Variants in UBE2E2 observed in about 807,000 individuals in gnomAD.
The protein encoded by UBE2E2 is ubiquitin conjugating enzyme E2 E2.
UBE2E2 carries 6 observed loss-of-function variants against 24.7 expected under a neutral mutation model. That is an observed-to-expected ratio of 0.24 (90% confidence interval 0.13 to 0.48). UBE2E2 has a LOEUF of 0.48. UBE2E2 is among the 20% of genes least tolerant of loss of function. The pLI is 0.99. For missense variants in UBE2E2, 169 were observed against 245.0 expected (o/e 0.69, Z 2.07); for synonymous variants, 104 against 83.6 (o/e 1.24, Z -1.33).
chr3:23,222,045 C>T (rs946790889), intron 3 of UBE2E2, among the ~76,000 whole-genome samples: 1 of 150,874 alleles, frequency 6.6e-6, no homozygotes, highest in Non-Finnish European at 1.5e-5. Context: ...CCAGTCTACT[C>T]TCTATTTTTG....
chr3:23,249,805 G>A (rs544586391), intron 3 of UBE2E2, among the ~76,000 whole-genome samples: 8 of 152,022 alleles, frequency 5.3e-5, no homozygotes, highest in South Asian at 4.2e-4. Context: ...ACAGGCACCC[G>A]CCACCACACC....
intron 5 of UBE2E2, among the ~76,000 whole-genome samples, chr3:23,537,110 G>T (rs897649389): frequency 6.6e-6 from 1 of 152,162 alleles, no homozygotes; most frequent in Non-Finnish European, 1.5e-5. Context: ...TAAGTGGTAC[G>T]TGATTTGGCT....
chr3:23,524,226 AT>A (rs1043636198), intron 4 of UBE2E2, among the ~76,000 whole-genome samples: 3 of 152,026 alleles, frequency 2.0e-5, no homozygotes, highest in African/African-American at 7.2e-5. Flanking sequence ...CTGTATTAAA[AT>A]TTTTTTTATA....
In UBE2E2 at chr3:23,474,068, A is replaced by AT. The variant is rs1559394892; in HGVS notation, c.228-25533dup. Among the ~76,000 whole-genome samples, 1 of 151,700 alleles carries AT rather than the reference A, an allele frequency of 6.6e-6. No individual in the cohort carries two copies. The highest frequency in any genetic ancestry group is 1.5e-5 in the Non-Finnish European group (1 of 67,966). ...ACCGCATCTATGCCAACATATATAT[A>AT]TTTTTTTATTTTTTTGCGGGAGTAA... On this transcript the variant is annotated intron_variant, in intron 3 of 5. Coordinates refer to ENST00000396703, the MANE Select transcript of UBE2E2 (RefSeq NM_152653.4). The surrounding 1 kb of genome is among the most constrained non-coding windows in gnomAD (Gnocchi z 4.0).
At chr3:23,479,576 G>C (rs1699211162) in intron 3 of UBE2E2, among the ~76,000 whole-genome samples, 1 of 152,162 alleles carries the variant, frequency 6.6e-6, no homozygotes, top group African/African-American at 2.4e-5. Flanking sequence ...TTGTATTACA[G>C]CTCTTTCAGT....
intron 3 of UBE2E2, among the ~76,000 whole-genome samples, chr3:23,308,210 C>T (rs995456284): frequency 5.3e-5 from 8 of 152,144 alleles, no homozygotes; most frequent in African/African-American, 1.7e-4. Flanking sequence ...GAATTATTGT[C>T]AGGATTAAGT....
At chr3:23,433,946 TA>T (rs1483839396) in intron 3 of UBE2E2, among the ~76,000 whole-genome samples, 1 of 152,112 alleles carries the variant, frequency 6.6e-6, no homozygotes, top group Non-Finnish European at 1.5e-5. Context: ...CATTTACATT[TA>T]AAATAAATCC....
rs938286536 is a variant in UBE2E2 at position 23,591,373 on chromosome 3, A to C, written c.*1542A>C. On this transcript the variant is annotated 3_prime_UTR_variant, in exon 6 of 6. Coordinates refer to ENST00000396703, the MANE Select transcript of UBE2E2 (RefSeq NM_152653.4). ...ACATTTAAAATGCCTGATTCAAAAG[A>C]TACAGTTTTTGTTGTTTTTAACTAG... 1 of 152,220 alleles carries C rather than the reference A, an allele frequency of 6.6e-6. No homozygotes were observed. The highest frequency in any genetic ancestry group is 1.5e-5 in the Non-Finnish European group (1 of 68,036). The allele number at this position is 152,220 out of a possible 1,614,324, so 9.4% of individuals were successfully genotyped here. A position where few individuals can be genotyped will look rare whatever the true frequency, so the allele number is the denominator to read the frequency against.
chr3:23,460,442 A>G (rs1698782445), intron 3 of UBE2E2, among the ~76,000 whole-genome samples: 1 of 152,132 alleles, frequency 6.6e-6, no homozygotes, highest in Non-Finnish European at 1.5e-5. Context: ...TGGAAATGGC[A>G]CCTACATTAT....
chr3:23,299,542 C>A (rs1489077026), intron 3 of UBE2E2, among the ~76,000 whole-genome samples: 1 of 152,190 alleles, frequency 6.6e-6, no homozygotes, highest in Non-Finnish European at 1.5e-5. Context: ...TCGTTATGTA[C>A]CCAGTAGTCA....
intron 3 of UBE2E2, among the ~76,000 whole-genome samples, chr3:23,396,325 A>G (rs891820072): frequency 9.0e-6 from 1 of 110,920 alleles, no homozygotes; most frequent in African/African-American, 3.5e-5. Flanking sequence ...ATATGTATAT[A>G]TATACGTATA....
chr3:23,245,853 G>GT (rs1697379944), intron 3 of UBE2E2, among the ~76,000 whole-genome samples: 2 of 152,108 alleles, frequency 1.3e-5, no homozygotes, highest in Admixed American at 1.3e-4. Flanking sequence ...CATAAACTGT[G>GT]TTTTGCATAT....
At chr3:23,439,653 C>G (rs1575630120) in intron 3 of UBE2E2, among the ~76,000 whole-genome samples, 1 of 152,278 alleles carries the variant, frequency 6.6e-6, no homozygotes, top group East Asian at 1.9e-4. Flanking sequence ...TCCATCCCAT[C>G]CCTCAAGTGC....
chr3:23,445,768 C>T (rs903949202), intron 3 of UBE2E2, among the ~76,000 whole-genome samples: 4 of 152,138 alleles, frequency 2.6e-5, no homozygotes, highest in Non-Finnish European at 2.9e-5. Context: ...TTTCTCTGCC[C>T]GTCTTGCTAC....
intron 3 of UBE2E2, among the ~76,000 whole-genome samples, chr3:23,331,359 A>G (rs1305966894): frequency 1.3e-5 from 2 of 152,220 alleles, no homozygotes; most frequent in Non-Finnish European, 2.9e-5. Flanking sequence ...AAGAAAACAA[A>G]GTACTGCCAA....
rs149629007 is a variant in UBE2E2, at chr3:23,239,790, C to G, written c.227+22478C>G. Among the ~76,000 whole-genome samples the G allele has an allele frequency of 1.6e-4, 25 of 152,230 alleles. No homozygotes were observed. The East Asian group carries it at 4.8e-3, about 29-fold the overall frequency. On this transcript the variant is annotated intron_variant, in intron 3 of 5. Transcript: ENST00000396703. ...AGGTTCTAAAAGATATGCTGTTTTTCCATCCTTTGCTTGATGATTTGGACT... is the reference window on the plus strand; with the variant it reads ...AGGTTCTAAAAGATATGCTGTTTTTGCATCCTTTGCTTGATGATTTGGACT...
chr3:23,402,513 A>G (rs1697251414), intron 3 of UBE2E2, among the ~76,000 whole-genome samples: 1 of 152,252 alleles, frequency 6.6e-6, no homozygotes. Flanking sequence ...TGTTTTAAGA[A>G]CTTTAATTCA....
intron 3 of UBE2E2, among the ~76,000 whole-genome samples, chr3:23,489,272 T>A (rs933316064): frequency 6.6e-6 from 1 of 152,118 alleles, no homozygotes; most frequent in Non-Finnish European, 1.5e-5. Context: ...ATTATATAAC[T>A]CACCATCATG....
At chr3:23,339,369 A>G (rs995816547) in intron 3 of UBE2E2, among the ~76,000 whole-genome samples, 16 of 152,160 alleles carry the variant, frequency 1.1e-4, no homozygotes. Flanking sequence ...TAGTAGGACA[A>G]TTAACAAAAT....
Sources: gnomAD v4.1 joint callset for allele counts (sites outside exome capture counted in the v4.1 genomes callset) on GRCh38, gnomAD v4.1.1 for gene constraint, Gnocchi (gnomAD v3.1) non-coding constraint, MANE v1.5 for transcripts, NCBI Gene and HGNC (gene_info 2026-07-23, HGNC 2026-07-21) for gene names.